The following RANBP17 variants were observed in gnomAD, a reference collection of about 807,000 sequenced individuals.
RANBP17 encodes ran-binding protein 17.
In RANBP17, 158 loss-of-function variants were observed where a neutral mutation model predicts 141.2. The observed-to-expected ratio is 1.12, with a 90% CI of 0.98 to 1.28. RANBP17 has a LOEUF of 1.28. Ranked by LOEUF, RANBP17 falls within the 50% of genes most tolerant of loss-of-function variation. The pLI is 0.00. For synonymous variants in RANBP17, 430 were observed against 450.0 expected (o/e 0.96, Z 0.56); for missense variants, 1,438 against 1,290.7 (o/e 1.11, Z -1.75).
chr5:171,277,637 G>GTATATA (rs70982330), intron 25 of RANBP17, among the ~76,000 whole-genome samples: 5 of 56,916 alleles, frequency 8.8e-5, no homozygotes, highest in African/African-American at 1.7e-4. Context: ...ATATATGTAT[G>GTATATA]TATATATATA....
chr5:170,862,338 C>T (rs1766864100), intron 1 of RANBP17, among the ~76,000 whole-genome samples: 1 of 152,172 alleles, frequency 6.6e-6, no homozygotes, highest in African/African-American at 2.4e-5. Flanking sequence ...GGGGAAGGTG[C>T]GGACGCCGGC....
chr5:171,005,161 A>G (rs1779504018), intron 14 of RANBP17, among the ~76,000 whole-genome samples: 1 of 152,176 alleles, frequency 6.6e-6, no homozygotes, highest in Admixed American at 6.5e-5. Flanking sequence ...GAAAATGGCC[A>G]TACTGCCCAA....
chr5:171,131,519 A>T (rs1033467535), intron 14 of RANBP17, among the ~76,000 whole-genome samples: 1 of 152,230 alleles, frequency 6.6e-6, no homozygotes, highest in African/African-American at 2.4e-5. Context: ...GCAAAATAAA[A>T]TATCCATTTA....
chr5:171,097,282 AAC>A (rs1170641471), intron 14 of RANBP17, among the ~76,000 whole-genome samples: 3 of 152,100 alleles, frequency 2.0e-5, no homozygotes, highest in Non-Finnish European at 2.9e-5. Context: ...TCATTGAGAA[AAC>A]ACAGGAGAAG....
intron 14 of RANBP17, chr5:171,161,423 G>T (rs193002216): frequency 5.0e-6 from 1 of 201,076 alleles, no homozygotes; most frequent in Admixed American, 6.0e-5. Context: ...CGCCTGAGGA[G>T]TGATGTACCC....
intron 14 of RANBP17, among the ~76,000 whole-genome samples, chr5:171,019,703 T>A (rs1038067628): frequency 1.8e-4 from 28 of 151,946 alleles, no homozygotes; most frequent in Non-Finnish European, 3.5e-4. Context: ...TTTTTTTTTT[T>A]AAACCAGGTC....
intron 12 of RANBP17, among the ~76,000 whole-genome samples, chr5:170,942,724 T>C (rs1247439351): frequency 6.6e-6 from 1 of 152,188 alleles, no homozygotes; most frequent in African/African-American, 2.4e-5. Flanking sequence ...GGTAGGTGTT[T>C]GTTTTGTTAC....
intron 25 of RANBP17, among the ~76,000 whole-genome samples, chr5:171,280,234 C>G (rs757342076): frequency 1.1e-4 from 17 of 152,116 alleles, no homozygotes; most frequent in Admixed American, 2.6e-4. Flanking sequence ...ATTCATTTCT[C>G]TCTTAACTCA....
rs575010195 is a variant in RANBP17 at position 171,058,119 on chromosome 5, A to T, written c.1710+89742A>T. Among the ~76,000 whole-genome samples the T allele has an allele frequency of 1.3e-3, 199 of 152,058 alleles. 1 individual carries two copies. The highest frequency in any genetic ancestry group is 4.6e-3 in the African/African-American group (192 of 41,498). ...TCTGTATCCATCAAAAATATATGGCATTACCTATTTCTCTCTTACCTCACT... is the reference window on the plus strand; with the variant it reads ...TCTGTATCCATCAAAAATATATGGCTTTACCTATTTCTCTCTTACCTCACT... On this transcript the variant is annotated intron_variant, in intron 14 of 27. Transcript: ENST00000523189.
At chr5:171,141,421 C>T (rs1335464366) in intron 14 of RANBP17, among the ~76,000 whole-genome samples, 3 of 149,238 alleles carry the variant, frequency 2.0e-5, no homozygotes, top group Non-Finnish European at 3.0e-5. Flanking sequence ...ATGGTGAAAC[C>T]CCATCTCTAC....
At chr5:171,179,115 G>A (rs988737061) in intron 16 of RANBP17, among the ~76,000 whole-genome samples, 1 of 152,026 alleles carries the variant, frequency 6.6e-6, no homozygotes, top group Admixed American at 6.6e-5. Flanking sequence ...TGTCCTGAAT[G>A]GTATTGCCTA....
At chr5:171,275,520 A>G (rs1312635141) in intron 25 of RANBP17, among the ~76,000 whole-genome samples, 1 of 152,208 alleles carries the variant, frequency 6.6e-6, no homozygotes, top group East Asian at 1.9e-4. Flanking sequence ...GAGAATGAAA[A>G]ATTAGCCACA....
At chr5:170,895,135 T>C (rs993694829) in intron 4 of RANBP17, among the ~76,000 whole-genome samples, 4 of 152,170 alleles carry the variant, frequency 2.6e-5, no homozygotes, top group African/African-American at 9.6e-5. Context: ...TGAAAGGCCA[T>C]AAATAATTAA....
chr5:171,206,090 G>T, intron 20 of RANBP17: 1 of 264,292 alleles, frequency 3.8e-6, no homozygotes, highest in South Asian at 4.2e-5. Context: ...GTCAAGGTTT[G>T]TCATTTGGTG....
At chr5:171,016,573 G>A (rs1209105751) in intron 14 of RANBP17, among the ~76,000 whole-genome samples, 2 of 151,908 alleles carry the variant, frequency 1.3e-5, no homozygotes, top group Non-Finnish European at 2.9e-5. Flanking sequence ...TAGGGTACAT[G>A]TGCACAATGT....
At chr5:171,141,268 A>G (rs1023335092) in intron 14 of RANBP17, among the ~76,000 whole-genome samples, 4 of 152,032 alleles carry the variant, frequency 2.6e-5, no homozygotes, top group African/African-American at 7.2e-5. Context: ...TTGAGTTAGT[A>G]TTTAAAGTTG....
chr5:170,984,880 T>G (rs1001860512), intron 14 of RANBP17, among the ~76,000 whole-genome samples: 2 of 152,188 alleles, frequency 1.3e-5, no homozygotes, highest in Non-Finnish European at 2.9e-5. Flanking sequence ...AAATGTCTAT[T>G]AGAAAAGGTC....
chr5:171,039,245 G>GTTTTTTTTTTTTT (rs57258448), intron 14 of RANBP17, among the ~76,000 whole-genome samples: 2 of 125,426 alleles, frequency 1.6e-5, no homozygotes, highest in African/African-American at 3.0e-5. Flanking sequence ...TCTGTTGTTG[G>GTTTTTTTTTTTTT]TTTTTTTTTT....
intron 24 of RANBP17, among the ~76,000 whole-genome samples, chr5:171,248,182 C>T (rs1024801108): frequency 6.6e-6 from 1 of 152,070 alleles, no homozygotes; most frequent in Non-Finnish European, 1.5e-5. Context: ...CTGGCTAACA[C>T]GGTGAAACCT....
Sources: allele counts gnomAD v4.1 joint callset (sites outside exome capture counted in the v4.1 genomes callset), GRCh38; gene constraint gnomAD v4.1.1; transcripts MANE v1.5; gene names NCBI Gene and HGNC (gene_info 2026-07-23, HGNC 2026-07-21).